The following PDE3A variants were observed in gnomAD, a reference collection of about 807,000 sequenced individuals.
PDE3A encodes phosphodiesterase 3A.
Under a neutral mutation model 98.3 loss-of-function variants are expected in PDE3A, and 43 were observed. The observed-to-expected ratio is 0.44, with a 90% CI of 0.34 to 0.56. The LOEUF is 0.56. Ranked by LOEUF, PDE3A falls within the 20% of genes least tolerant of loss-of-function variation. The pLI is 0.01. For synonymous variants in PDE3A, 663 were observed against 567.9 expected, an observed-to-expected ratio of 1.17 and a Z score of -2.38; for missense variants, 1,427 against 1,440.7, an observed-to-expected ratio of 0.99 and a Z score of 0.15.
intron 1 of PDE3A, among the ~76,000 whole-genome samples, chr12:20,383,773 G>T (rs1943700297): frequency 6.6e-6 from 1 of 151,952 alleles, no homozygotes; most frequent in Non-Finnish European, 1.5e-5. Context: ...GAGGAGGAGG[G>T]GACAGCAGAT....
Position 20,656,478 on chromosome 12 carries a change from A to T in PDE3A, c.3184+2273A>T, listed in dbSNP as rs545709832. Reference sequence around the variant, plus strand: ...GGAAAATTAAAGTTGTTTTTCTTCAATATGCTACTGTCAAAGTAATTATAT... The same window carrying T: ...GGAAAATTAAAGTTGTTTTTCTTCATTATGCTACTGTCAAAGTAATTATAT... On this transcript the variant is annotated intron_variant, in intron 15 of 15. Transcript: ENST00000359062. Among the ~76,000 whole-genome samples the T allele has an allele frequency of 7.1e-4, 108 of 152,312 alleles. 1 individual carries two copies. The highest frequency in any genetic ancestry group is 2.4e-3 in the African/African-American group (98 of 41,572).
intron 1 of PDE3A, among the ~76,000 whole-genome samples, chr12:20,491,170 A>G (rs986848911): frequency 3.3e-5 from 5 of 152,206 alleles, no homozygotes; most frequent in African/African-American, 1.2e-4. Flanking sequence ...TCCCATCAAA[A>G]TGGCATCTTT....
intron 1 of PDE3A, among the ~76,000 whole-genome samples, chr12:20,408,688 C>T (rs1944278651): frequency 6.6e-6 from 1 of 152,080 alleles, no homozygotes; most frequent in Non-Finnish European, 1.5e-5. Flanking sequence ...TTTTGTAAAC[C>T]ATACAAACAA....
At chr12:20,567,614 C>T (rs1423140867) in intron 2 of PDE3A, among the ~76,000 whole-genome samples, 1 of 151,758 alleles carries the variant, frequency 6.6e-6, no homozygotes, top group Non-Finnish European at 1.5e-5. Context: ...GTGACTACTC[C>T]CCCCCACTTC....
At chr12:20,588,562 C>A (rs1943243755) in intron 2 of PDE3A, among the ~76,000 whole-genome samples, 1 of 152,120 alleles carries the variant, frequency 6.6e-6, no homozygotes, top group Admixed American at 6.5e-5. Flanking sequence ...GGCTACAGAA[C>A]AAAAATGCAG....
intron 13 of PDE3A, 88 bp downstream of exon 13, chr12:20,648,979 G>GTCATGGT: frequency 1.2e-6 from 1 of 803,044 alleles, no homozygotes; most frequent in Non-Finnish European, 1.9e-6. Flanking sequence ...AGACTGGAGT[G>GTCATGGT]CAGTGGCACG....
intron 2 of PDE3A, among the ~76,000 whole-genome samples, chr12:20,594,993 T>TA (rs888858348): frequency 2.1e-4 from 32 of 151,432 alleles, no homozygotes; most frequent in African/African-American, 4.4e-4. Flanking sequence ...ATACAGTTGG[T>TA]AAAAAAAAAT....
At chr12:20,565,221 G>A (rs145963902) in intron 2 of PDE3A, among the ~76,000 whole-genome samples, 40 of 152,050 alleles carry the variant, frequency 2.6e-4, no homozygotes, top group African/African-American at 8.9e-4. Context: ...CAGCTCTCAA[G>A]TTTTGCCTTC....
intron 15 of PDE3A, among the ~76,000 whole-genome samples, chr12:20,671,111 A>C (rs1490005771): frequency 1.4e-5 from 2 of 141,800 alleles, no homozygotes; most frequent in South Asian, 2.3e-4. Flanking sequence ...GAAATGGATA[A>C]ATTCCTCGAC....
chr12:20,674,617 A>G (rs1279265323), intron 15 of PDE3A, among the ~76,000 whole-genome samples: 1 of 152,112 alleles, frequency 6.6e-6, no homozygotes, highest in Non-Finnish European at 1.5e-5. Flanking sequence ...TTTATTGCTG[A>G]TTTAATCTGA....
At chr12:20,631,192 T>A (rs995553262) in intron 6 of PDE3A, among the ~76,000 whole-genome samples, 17 of 152,194 alleles carry the variant, frequency 1.1e-4, no homozygotes, top group Admixed American at 1.3e-4. Flanking sequence ...ATGCAAAAGT[T>A]ATTCTGCTGC....
At chr12:20,553,625 A>C (rs1427482967) in intron 1 of PDE3A, among the ~76,000 whole-genome samples, 2 of 151,090 alleles carry the variant, frequency 1.3e-5, no homozygotes, top group Non-Finnish European at 3.0e-5. Flanking sequence ...AGCGTCTGAG[A>C]TCCGCGTGAA....
chr12:20,635,367 A>G (rs571697867), intron 8 of PDE3A, among the ~76,000 whole-genome samples: 1 of 152,174 alleles, frequency 6.6e-6, no homozygotes, highest in East Asian at 1.9e-4. Context: ...CAATGAGTTC[A>G]AGACCAGCCT....
intron 1 of PDE3A, among the ~76,000 whole-genome samples, chr12:20,514,560 A>G (rs1946283012): frequency 6.6e-6 from 1 of 152,190 alleles, no homozygotes; most frequent in African/African-American, 2.4e-5. Flanking sequence ...TTTCTACAAT[A>G]TTTGAGCTAT....
intron 1 of PDE3A, among the ~76,000 whole-genome samples, chr12:20,437,569 G>A (rs1944799076): frequency 6.6e-6 from 1 of 152,136 alleles, no homozygotes; most frequent in Non-Finnish European, 1.5e-5. Flanking sequence ...AGCAGGAGCA[G>A]GTGTGTCACA....
At chr12:20,403,380 G>A (rs980863441) in intron 1 of PDE3A, among the ~76,000 whole-genome samples, 25 of 152,102 alleles carry the variant, frequency 1.6e-4, no homozygotes, top group South Asian at 4.2e-4. Context: ...GAAGAATTGC[G>A]ACTTTGCAGG....
chr12:20,495,909 A>G (rs913037110), intron 1 of PDE3A, among the ~76,000 whole-genome samples: 1 of 152,206 alleles, frequency 6.6e-6, no homozygotes, highest in Admixed American at 6.5e-5. Context: ...CTGTTCATCA[A>G]AAAGAGAGAG....
intron 1 of PDE3A, among the ~76,000 whole-genome samples, chr12:20,533,986 C>G (rs1200208377): frequency 6.6e-6 from 1 of 152,090 alleles, no homozygotes; most frequent in Non-Finnish European, 1.5e-5. Context: ...CACCTGTGTA[C>G]TTTCACATTC....
chr12:20,448,854 A>T (rs1221270999), intron 1 of PDE3A, among the ~76,000 whole-genome samples: 1 of 149,376 alleles, frequency 6.7e-6, no homozygotes, highest in Non-Finnish European at 1.5e-5. Flanking sequence ...GAGTAGTTGG[A>T]ATTACCACAT....
Sources: allele counts gnomAD v4.1 joint callset (sites outside exome capture counted in the v4.1 genomes callset), GRCh38; gene constraint gnomAD v4.1.1; transcripts MANE v1.5; gene names NCBI Gene and HGNC (gene_info 2026-07-23, HGNC 2026-07-21).